The following ANKRD18A variants were observed in gnomAD, a reference collection of about 807,000 sequenced individuals.
The protein encoded by ANKRD18A is ankyrin repeat domain-containing protein 18A.
In ANKRD18A, 72 loss-of-function variants were observed where a neutral mutation model predicts 110.6. The observed-to-expected ratio is 0.65, with a 90% CI of 0.54 to 0.79. The LOEUF (loss-of-function observed/expected upper bound fraction) is 0.79, where lower values mean the gene tolerates loss of function less well. ANKRD18A is among the 30% of genes least tolerant of loss of function. ANKRD18A has a pLI of 0.00. For synonymous variants in ANKRD18A, 305 were observed against 410.3 expected (o/e 0.74, Z 3.10); for missense variants, 934 against 1,163.3 (o/e 0.80, Z 2.87).
intron 11 of ANKRD18A, among the ~76,000 whole-genome samples, chr9:38,586,825 A>G (rs571419152): frequency 6.6e-6 from 1 of 152,122 alleles, no homozygotes; most frequent in Non-Finnish European, 1.5e-5. Flanking sequence ...TGGCCTCCCA[A>G]ATTGCTGGGA....
Position 38,586,262 on chromosome 9 carries a change from T to C in ANKRD18A, c.2168A>G (p.Asn723Ser), listed in dbSNP as rs755778294. The C allele has an allele frequency of 6.2e-6, 10 of 1,606,688 alleles. No homozygotes were observed. In the Admixed American group the frequency reaches 1.7e-4, roughly 27 times the overall value. The change falls in exon 12 of 16, where the codon AAT becomes AGT. Residue 723 changes from asparagine to serine, a missense_variant. Coordinates refer to ENST00000399703, the MANE Select transcript of ANKRD18A (RefSeq NM_147195.4). ...MTINMLNAFA[N>S]EDFSCHGDLN... ...GTCTCCATGGCAACTGAAGTCCTCATTTGCAAATGCATTTAACATATTTAT... is the reference window on the plus strand; with the variant it reads ...GTCTCCATGGCAACTGAAGTCCTCACTTGCAAATGCATTTAACATATTTAT...
chr9:38,609,787 G>A (rs969919844), intron 5 of ANKRD18A, among the ~76,000 whole-genome samples: 1 of 151,862 alleles, frequency 6.6e-6, no homozygotes, highest in African/African-American at 2.4e-5. Flanking sequence ...TAGCCCTAGG[G>A]GATAATACAA....
chr9:38,603,860 C>A (rs1366043306), intron 6 of ANKRD18A, among the ~76,000 whole-genome samples: 4 of 152,284 alleles, frequency 2.6e-5, no homozygotes, highest in Middle Eastern at 3.4e-3. Context: ...GCTGGAGAAT[C>A]ACAAATCTAT....
chr9:38,585,250 C>T (rs2118709182), intron 12 of ANKRD18A, among the ~76,000 whole-genome samples: 1 of 152,288 alleles, frequency 6.6e-6, no homozygotes, highest in Non-Finnish European at 1.5e-5. Context: ...AGAACCTTAA[C>T]CTCCATAATG....
intron 3 of ANKRD18A, among the ~76,000 whole-genome samples, chr9:38,614,986 G>A (rs4008154): frequency 0.12 from 18,767 of 151,990 alleles, 1,295 homozygotes; most frequent in African/African-American, 0.17. Flanking sequence ...GGCAAGTTTC[G>A]GTCACTCTTT....
intron 3 of ANKRD18A, among the ~76,000 whole-genome samples, chr9:38,614,689 A>G (rs1825781294): frequency 6.6e-6 from 1 of 152,184 alleles, no homozygotes; most frequent in Non-Finnish European, 1.5e-5. Context: ...AGAGTTATGT[A>G]TTAAAATTCC....
intron 13 of ANKRD18A, 57 bp downstream of exon 13, chr9:38,577,810 G>T: frequency 1.3e-6 from 2 of 1,504,376 alleles, no homozygotes; most frequent in South Asian, 1.3e-5. Context: ...AATATAGTTT[G>T]CAGTGAAATA....
At chr9:38,571,317 C>T (rs550995103), downstream of ANKRD18A, 11 of 1,140,680 alleles carry the variant, frequency 9.6e-6, no homozygotes, top group Admixed American at 1.4e-4. Context: ...ATGTCTACCA[C>T]TGGCCTAATC....
chr9:38,576,397 T>C (rs1823898442), intron 14 of ANKRD18A, among the ~76,000 whole-genome samples: 1 of 152,104 alleles, frequency 6.6e-6, no homozygotes, highest in African/African-American at 2.4e-5. Flanking sequence ...GCACTGGAGG[T>C]GGGGCTTGTT....
intron 4 of ANKRD18A, among the ~76,000 whole-genome samples, chr9:38,610,942 C>A (rs1383477842): frequency 6.6e-6 from 1 of 151,164 alleles, no homozygotes; most frequent in Non-Finnish European, 1.5e-5. Context: ...TAATAAAATA[C>A]AAACCCCCTT....
chr9:38,610,207 T>C, intron 5 of ANKRD18A, 66 bp downstream of exon 5: 4 of 1,450,864 alleles, frequency 2.8e-6, no homozygotes, highest in Non-Finnish European at 3.6e-6. Context: ...ATGTATAAGA[T>C]GCAATAGTTA....
chr9:38,589,193 A>T (rs529502029), intron 10 of ANKRD18A, among the ~76,000 whole-genome samples: 38 of 152,298 alleles, frequency 2.5e-4, no homozygotes, highest in African/African-American at 8.7e-4. Flanking sequence ...TTCTCTTTAA[A>T]CAAAGTTTAT....
chr9:38,607,109 T>C (rs1459395707), intron 6 of ANKRD18A, among the ~76,000 whole-genome samples: 3 of 152,198 alleles, frequency 2.0e-5, no homozygotes, highest in Non-Finnish European at 2.9e-5. Context: ...CAGGCTGGAG[T>C]GCAGTGGTGC....
At chr9:38,602,065 C>T (rs1229012479) in intron 7 of ANKRD18A, among the ~76,000 whole-genome samples, 1 of 149,416 alleles carries the variant, frequency 6.7e-6, no homozygotes, top group Admixed American at 6.7e-5. Flanking sequence ...TATCTTTTCT[C>T]CACGTACACA....
Position 38,575,613 on chromosome 9 carries a change from T to C in ANKRD18A, c.2827A>G (p.Arg943Gly). 3 of 1,551,718 alleles carry C rather than the reference T, an allele frequency of 1.9e-6. No individual in the cohort carries two copies. Among genetic ancestry groups the C allele is most frequent in the Non-Finnish European group, 2.6e-6 (3 of 1,146,866 alleles). ...MKYFLSTLPT[R>G]PEPELPCVEN... ...ACACAAGGTAACTCTGGTTCTGGCCTTGTAGGAAGAGTGCTGAGAAAATAT... is the reference window on the plus strand; with the variant it reads ...ACACAAGGTAACTCTGGTTCTGGCCCTGTAGGAAGAGTGCTGAGAAAATAT... Residue 943 changes from arginine (R) to glycine (G), a missense_variant, in exon 15 of 16, where the codon AGG becomes GGG. Physicochemically the swap from Arg to Gly is moderately radical, Grantham distance 125. Transcript: ENST00000399703.
chr9:38,595,057 G>C (rs185916761), intron 9 of ANKRD18A, among the ~76,000 whole-genome samples: 1 of 152,138 alleles, frequency 6.6e-6, no homozygotes, highest in African/African-American at 2.4e-5. Context: ...TTTCCAAGCT[G>C]ATATAGTAAA....
intron 14 of ANKRD18A, among the ~76,000 whole-genome samples, chr9:38,576,492 ATAAT>A (rs1316262513): frequency 9.2e-5 from 14 of 152,214 alleles, no homozygotes; most frequent in Admixed American, 2.0e-4. Context: ...CATTCCTGTG[ATAAT>A]TATTCCCTCT....
chr9:38,601,459 T>TA (rs1366465070), intron 7 of ANKRD18A, among the ~76,000 whole-genome samples: 1 of 151,968 alleles, frequency 6.6e-6, no homozygotes. Context: ...CCACCCAATA[T>TA]AAAAAAACAA....
chr9:38,573,437 C>A lies in ANKRD18A; in HGVS notation c.2965-1378G>T, dbSNP rs576022237. ...TATTTGTACAAAGGTTAAACAATGG[C>A]CGGGCACAGCAGCTCATGCCTGTAA... is the stretch of plus-strand genomic sequence containing the variant. On this transcript the variant is annotated intron_variant, in intron 15 of 15. Coordinates refer to ENST00000399703, the MANE Select transcript of ANKRD18A (RefSeq NM_147195.4). Among the ~76,000 whole-genome samples the A allele has an allele frequency of 1.1e-4, 17 of 152,190 alleles. No individual in the cohort carries two copies. In the East Asian group the frequency reaches 2.9e-3, roughly 26 times the overall value.
Sources: allele counts gnomAD v4.1 joint callset (sites outside exome capture counted in the v4.1 genomes callset), GRCh38; gene constraint gnomAD v4.1.1; transcripts MANE v1.5; gene names NCBI Gene and HGNC (gene_info 2026-07-23, HGNC 2026-07-21).